The following CRACDL variants were observed in gnomAD, a reference collection of about 807,000 sequenced individuals.
The protein encoded by CRACDL is CRACD like, also known as CRACD-like protein.
Under a neutral mutation model 70.6 loss-of-function variants are expected in CRACDL, and 26 were observed. The observed-to-expected ratio is 0.37, with a 90% CI of 0.27 to 0.51. The LOEUF (loss-of-function observed/expected upper bound fraction) is 0.51, where lower values mean the gene tolerates loss of function less well. Ranked by LOEUF, CRACDL falls within the 20% of genes least tolerant of loss-of-function variation. CRACDL has a pLI of 0.94. For missense variants in CRACDL, 1,283 were observed against 1,376.9 expected (o/e 0.93, Z 1.08); for synonymous variants, 618 against 615.2 (o/e 1.00, Z -0.07).
chr2:98,867,360 T>C (rs1707188212), intron 1 of CRACDL, among the ~76,000 whole-genome samples: 1 of 152,206 alleles, frequency 6.6e-6, no homozygotes, highest in Non-Finnish European at 1.5e-5. Context: ...TATGCACACA[T>C]GAGCCTATGT....
At chr2:98,867,395 C>T (rs1238943176) in intron 1 of CRACDL, among the ~76,000 whole-genome samples, 4 of 152,156 alleles carry the variant, frequency 2.6e-5, no homozygotes, top group Non-Finnish European at 4.4e-5. Flanking sequence ...TAAGCCTGCA[C>T]GAACACCCCT....
At chr2:98,847,313 C>T (rs1185042670) in intron 1 of CRACDL, among the ~76,000 whole-genome samples, 1 of 152,186 alleles carries the variant, frequency 6.6e-6, no homozygotes, top group East Asian at 1.9e-4. Context: ...TACACCACAT[C>T]ATTAAAATTA....
Position 98,929,628 on chromosome 2 carries a change from C to T in CRACDL, c.-11+6310G>A, listed in dbSNP as rs545214780. Among the ~76,000 whole-genome samples the T allele has an allele frequency of 7.2e-5, 11 of 152,174 alleles. No individual in the cohort carries two copies. In the South Asian group the frequency reaches 8.3e-4, roughly 11 times the overall value. ...ACCTGGTCCCAGAATGCCCCAGGCA[C>T]GGCAGGCTCCCCCATCTGGATGGGA... is the stretch of plus-strand genomic sequence containing the variant. On this transcript the variant is annotated intron_variant, in intron 1 of 9. Transcript: ENST00000397899.
intron 1 of CRACDL, among the ~76,000 whole-genome samples, chr2:98,893,914 G>C (rs753499661): frequency 1.3e-5 from 2 of 152,176 alleles, no homozygotes; most frequent in Non-Finnish European, 2.9e-5. Context: ...GGAGACCCTG[G>C]GTGCCACCCC....
At chr2:98,841,339 T>C (rs1011987993) in intron 2 of CRACDL, among the ~76,000 whole-genome samples, 4 of 152,258 alleles carry the variant, frequency 2.6e-5, no homozygotes, top group African/African-American at 7.2e-5. Flanking sequence ...ATCTTATGTG[T>C]TTTTTAATTG....
intron 1 of CRACDL, among the ~76,000 whole-genome samples, chr2:98,923,980 C>T (rs1708859571): frequency 6.6e-6 from 1 of 152,148 alleles, no homozygotes; most frequent in African/African-American, 2.4e-5. Context: ...GCTTAAGCCA[C>T]AAGTTTGTAC....
At chr2:98,919,845 T>C (rs1014385215) in intron 1 of CRACDL, among the ~76,000 whole-genome samples, 1 of 152,186 alleles carries the variant, frequency 6.6e-6, no homozygotes, top group African/African-American at 2.4e-5. Context: ...CTTGAAGTCC[T>C]GGCCTTAAGC....
chr2:98,857,209 A>T (rs1706734160), intron 1 of CRACDL, among the ~76,000 whole-genome samples: 1 of 152,230 alleles, frequency 6.6e-6, no homozygotes. Flanking sequence ...TTGGAGTAAG[A>T]AAATGACATC....
At chr2:98,874,607 C>T (rs1364635355) in intron 1 of CRACDL, among the ~76,000 whole-genome samples, 1 of 152,218 alleles carries the variant, frequency 6.6e-6, no homozygotes, top group Non-Finnish European at 1.5e-5. Flanking sequence ...ACCTCCTCCA[C>T]GGCCTCCAAA....
intron 5 of CRACDL, among the ~76,000 whole-genome samples, chr2:98,830,469 C>T (rs1705494382): frequency 6.6e-6 from 1 of 152,164 alleles, no homozygotes; most frequent in Non-Finnish European, 1.5e-5. Context: ...TCTACAAGCC[C>T]ATTTTAAAGG....
chr2:98,918,123 T>C (rs1708709026), intron 1 of CRACDL, among the ~76,000 whole-genome samples: 1 of 152,180 alleles, frequency 6.6e-6, no homozygotes. Context: ...TCCTTTTCCT[T>C]AGGGTAGATA....
At chr2:98,852,481 T>C (rs1042363436) in intron 1 of CRACDL, among the ~76,000 whole-genome samples, 7 of 151,710 alleles carry the variant, frequency 4.6e-5, no homozygotes, top group African/African-American at 1.7e-4. Flanking sequence ...ATATGACCCA[T>C]AGTCATGAGA....
chr2:98,929,643 T>C (rs1240326979), intron 1 of CRACDL, among the ~76,000 whole-genome samples: 1 of 152,090 alleles, frequency 6.6e-6, no homozygotes, highest in African/African-American at 2.4e-5. Context: ...GGCTCCCCCA[T>C]CTGGATGGGA....
At chr2:98,907,595 G>A (rs986261049) in intron 1 of CRACDL, among the ~76,000 whole-genome samples, 2 of 152,168 alleles carry the variant, frequency 1.3e-5, no homozygotes, top group African/African-American at 2.4e-5. Flanking sequence ...TCAGCTCTCT[G>A]GTGGCCTCTG....
In CRACDL at chr2:98,830,748, G is replaced by C. The variant is rs898245701; in HGVS notation, c.540+1600C>G. ...TGAGAGATAAAGTCAGGCTGGCCCA[G>C]CCGAGCCAGCTGTGGAATTTGTGCC... is the stretch of plus-strand genomic sequence containing the variant. On this transcript the variant is annotated intron_variant, in intron 5 of 9. Transcript: ENST00000397899. 2.0e-5 allele frequency among the ~76,000 whole-genome samples: 3 copies of C among 152,264 alleles called. No homozygotes were observed. In the South Asian group the frequency reaches 6.2e-4, roughly 32 times the overall value.
chr2:98,795,077 A>ATATATATTTTTTTTTTTT, intron 9 of CRACDL, among the ~76,000 whole-genome samples: 2 of 58,492 alleles, frequency 3.4e-5, no homozygotes, highest in African/African-American at 6.6e-5. Flanking sequence ...ATATATATAT[A>ATATATATTTTTTTTTTTT]TTTTTTTTTT....
intron 1 of CRACDL, among the ~76,000 whole-genome samples, chr2:98,893,960 G>A (rs527973917): frequency 6.6e-6 from 1 of 152,268 alleles, no homozygotes; most frequent in East Asian, 1.9e-4. Flanking sequence ...GCATGGGCGT[G>A]GGCATCAGGC....
At chr2:98,872,137 G>A (rs1707366407) in intron 1 of CRACDL, among the ~76,000 whole-genome samples, 1 of 152,204 alleles carries the variant, frequency 6.6e-6, no homozygotes, top group African/African-American at 2.4e-5. Context: ...GGAGGCCGAG[G>A]TGGGTGGATT....
chr2:98,894,160 G>C (rs1013197773), intron 1 of CRACDL, among the ~76,000 whole-genome samples: 1 of 152,246 alleles, frequency 6.6e-6, no homozygotes, highest in African/African-American at 2.4e-5. Context: ...TTCTGCTTAA[G>C]CTCTGATTCA....
Sources: allele counts gnomAD v4.1 joint callset (sites outside exome capture counted in the v4.1 genomes callset), GRCh38; gene constraint gnomAD v4.1.1; transcripts MANE v1.5; gene names NCBI Gene and HGNC (gene_info 2026-07-23, HGNC 2026-07-21).